PCMT1: variants seen among roughly 807,000 people sequenced by gnomAD.
The protein encoded by PCMT1 is protein-L-isoaspartate (D-aspartate) O-methyltransferase.
PCMT1 carries 9 observed loss-of-function variants against 29.2 expected under a neutral mutation model. The observed-to-expected ratio is 0.31, with a 90% CI of 0.19 to 0.54. PCMT1 has a LOEUF of 0.54. Among genes scored for constraint, PCMT1 ranks in the 20% least tolerant of loss-of-function variants. PCMT1 has a pLI of 0.95. For missense variants in PCMT1, 184 were observed against 282.2 expected, an observed-to-expected ratio of 0.65 and a Z score of 2.49; for synonymous variants, 98 against 97.5, an observed-to-expected ratio of 1.00 and a Z score of -0.03.
intron 1 of PCMT1, among the ~76,000 whole-genome samples, chr6:149,763,381 G>T (rs2115228314): frequency 6.6e-6 from 1 of 150,856 alleles, no homozygotes; most frequent in South Asian, 2.1e-4. Flanking sequence ...TTTGGTTTAA[G>T]CATCTTTTAG....
At chr6:149,796,113 C>G in intron 5 of PCMT1, 1 of 223,844 alleles carries the variant, frequency 4.5e-6, no homozygotes, top group Non-Finnish European at 8.8e-6. Context: ...GCGGGTGGAT[C>G]ACCTGAGGTC....
At chr6:149,771,913 A>G in intron 2 of PCMT1, 1 of 450,948 alleles carries the variant, frequency 2.2e-6, no homozygotes, top group Admixed American at 2.4e-5. Context: ...TTTTCAGGTT[A>G]GGATTAATTT....
intron 7 of PCMT1, among the ~76,000 whole-genome samples, chr6:149,803,133 AG>A (rs1562425931): frequency 6.6e-6 from 1 of 151,824 alleles, no homozygotes; most frequent in African/African-American, 2.4e-5. Flanking sequence ...AGGAGAAAGA[AG>A]GGGAAAGATA....
At chr6:149,761,929 G>T (rs1691280104) in intron 1 of PCMT1, among the ~76,000 whole-genome samples, 2 of 152,178 alleles carry the variant, frequency 1.3e-5, no homozygotes, top group Admixed American at 1.3e-4. Context: ...ACGATGTAGT[G>T]TATTGAGTTT....
At chr6:149,752,644 A>AT (rs925035964) in intron 1 of PCMT1, among the ~76,000 whole-genome samples, 5 of 152,168 alleles carry the variant, frequency 3.3e-5, no homozygotes, top group Non-Finnish European at 7.3e-5. Context: ...TGTTGTAAAT[A>AT]TTTTTTACGA....
At chr6:149,799,062 C>T (rs957224190) in intron 6 of PCMT1, 5 of 152,168 alleles carry the variant, frequency 3.3e-5, no homozygotes, top group Non-Finnish European at 7.3e-5. Context: ...TCACACTTCT[C>T]AGCAGTTTGG....
chr6:149,762,899 G>GAT (rs536235941), intron 1 of PCMT1, among the ~76,000 whole-genome samples: 1 of 47,702 alleles, frequency 2.1e-5, no homozygotes, highest in South Asian at 6.3e-4. Context: ...ATATATCTAT[G>GAT]ATATATATCT....
At chr6:149,777,876 C>CTTTTTTTTTTT (rs57484963) in intron 3 of PCMT1, among the ~76,000 whole-genome samples, 1 of 111,074 alleles carries the variant, frequency 9.0e-6, no homozygotes, top group Non-Finnish European at 1.8e-5. Flanking sequence ...TTCTTTTCTT[C>CTTTTTTTTTTT]TTTTTTTTTT....
intron 1 of PCMT1, among the ~76,000 whole-genome samples, chr6:149,756,535 T>A (rs1422684071): frequency 7.1e-6 from 1 of 141,446 alleles, no homozygotes; most frequent in African/African-American, 2.6e-5. Context: ...TTTTTTTTTT[T>A]TTTTTTTTTG....
At chr6:149,810,036 C>T (rs565249478) in intron 7 of PCMT1, 1 of 152,386 alleles carries the variant, frequency 6.6e-6, no homozygotes, top group East Asian at 1.9e-4. Flanking sequence ...CTTCCTCTCA[C>T]TGGCAGTTGC....
intron 3 of PCMT1, among the ~76,000 whole-genome samples, chr6:149,783,560 T>A (rs899565305): frequency 6.6e-6 from 1 of 152,210 alleles, no homozygotes; most frequent in South Asian, 2.1e-4. Flanking sequence ...TACTTCTTAA[T>A]GTGATGCTCT....
chr6:149,775,255 A>C (rs9505972), intron 3 of PCMT1, among the ~76,000 whole-genome samples: 52,298 of 152,036 alleles, frequency 0.34, 10,649 homozygotes, highest in East Asian at 0.81. Context: ...TGATAATTAT[A>C]CTAGAAGAAA....
At chr6:149,783,054 T>C (rs1787880747) in intron 3 of PCMT1, among the ~76,000 whole-genome samples, 1 of 152,174 alleles carries the variant, frequency 6.6e-6, no homozygotes, top group African/African-American at 2.4e-5. Context: ...GCAAAGATTA[T>C]TAATGAATCT....
intron 6 of PCMT1, chr6:149,797,034 G>A (rs1788646497): frequency 1.3e-5 from 2 of 152,178 alleles, no homozygotes; most frequent in Non-Finnish European, 2.9e-5. Flanking sequence ...GGCTGGTCTC[G>A]AACTCCTGAC....
intron 1 of PCMT1, among the ~76,000 whole-genome samples, chr6:149,766,440 A>C (rs144287230): frequency 9.3e-4 from 142 of 152,352 alleles, no homozygotes; most frequent in African/African-American, 3.4e-3. Context: ...ATAAAAATTC[A>C]CCAGTTGTAA....
chr6:149,805,060 A>C lies in PCMT1; in HGVS notation c.*37+2644A>C, dbSNP rs1426492691. On this transcript the variant is annotated intron_variant, in intron 7 of 7. Transcript: ENST00000464889. ...AGTTCAAGAGAAGCCTGGGAAACAT[A>C]GTGAGACCTCGTATCTACTAAAAAT... Among the ~76,000 whole-genome samples the C allele has an allele frequency of 2.0e-5, 3 of 152,194 alleles. No homozygotes were observed. The East Asian group carries it at 5.8e-4, about 30-fold the overall frequency.
intron 1 of PCMT1, among the ~76,000 whole-genome samples, chr6:149,755,277 G>C (rs1391249248): frequency 6.6e-6 from 1 of 152,070 alleles, no homozygotes; most frequent in Non-Finnish European, 1.5e-5. Context: ...AATTAGCTGG[G>C]CATTATGGTG....
At chr6:149,786,735 G>A (rs1583040124) in intron 3 of PCMT1, among the ~76,000 whole-genome samples, 1 of 150,444 alleles carries the variant, frequency 6.6e-6, no homozygotes. Flanking sequence ...GGGCAGAGGC[G>A]CTCCCCACAT....
chr6:149,765,563 G>A (rs1382876502), intron 1 of PCMT1: 2 of 231,950 alleles, frequency 8.6e-6, no homozygotes, highest in East Asian at 1.5e-4. Flanking sequence ...TCTATTTGAT[G>A]TGCCTTTTTT....
Sources: gnomAD v4.1 joint callset for allele counts (sites outside exome capture counted in the v4.1 genomes callset) on GRCh38, gnomAD v4.1.1 for gene constraint, MANE v1.5 for transcripts, NCBI Gene and HGNC (gene_info 2026-07-23, HGNC 2026-07-21) for gene names.